The following PMP22 variants were observed in gnomAD, a reference collection of about 807,000 sequenced individuals.
The protein encoded by PMP22 is Charcot-Marie-Tooth neuropathy 1A (greatly reduced nerve conduction velocity, hereditary motor sensory neuropathy Ia).
Under a neutral mutation model 18.9 loss-of-function variants are expected in PMP22, and 2 were observed. The observed-to-expected ratio is 0.11, with a 90% confidence interval of 0.04 to 0.33. The LOEUF (loss-of-function observed/expected upper bound fraction) is 0.33, where lower values mean the gene tolerates loss of function less well. Among genes scored for constraint, PMP22 ranks in the 10% least tolerant of loss-of-function variants. The pLI is 1.00. For synonymous variants in PMP22, 95 were observed against 89.2 expected, an observed-to-expected ratio of 1.07 and a Z score of -0.37; for missense variants, 169 against 202.2, an observed-to-expected ratio of 0.84 and a Z score of 1.00.
At chr17:15,241,998 T>C (rs896334910) in intron 3 of PMP22, among the ~76,000 whole-genome samples, 1 of 152,124 alleles carries the variant, frequency 6.6e-6, no homozygotes, top group African/African-American at 2.4e-5. Flanking sequence ...TTATCTTTGA[T>C]TAAGACATTT....
chr17:15,264,230 G>GCAGA (rs1555569349), intron 1 of PMP22, among the ~76,000 whole-genome samples: 13 of 85,008 alleles, frequency 1.5e-4, no homozygotes, highest in African/African-American at 7.8e-4. Flanking sequence ...AGGTAGGTAG[G>GCAGA]TAGATAGATA....
At chr17:15,234,529 G>A (rs1185399716) in intron 4 of PMP22, among the ~76,000 whole-genome samples, 3 of 152,130 alleles carry the variant, frequency 2.0e-5, no homozygotes, top group Non-Finnish European at 2.9e-5. Context: ...GGGCAACAAG[G>A]GAGGGCAGGA....
intron 3 of PMP22, among the ~76,000 whole-genome samples, chr17:15,250,434 T>A (rs1200555722): frequency 6.6e-6 from 1 of 152,228 alleles, no homozygotes; most frequent in Non-Finnish European, 1.5e-5. Flanking sequence ...TATAGAGGAA[T>A]GACTCTTGAC....
chr17:15,243,660 A>G (rs1907539886), intron 3 of PMP22, among the ~76,000 whole-genome samples: 1 of 149,082 alleles, frequency 6.7e-6, no homozygotes, highest in African/African-American at 2.4e-5. Context: ...TAATTATAGA[A>G]CATATCATAG....
At chr17:15,253,728 G>A (rs1209557904) in intron 3 of PMP22, among the ~76,000 whole-genome samples, 1 of 151,986 alleles carries the variant, frequency 6.6e-6, no homozygotes, top group Non-Finnish European at 1.5e-5. Context: ...CCTCCCCAGC[G>A]ATCTTGCACT....
chr17:15,241,163 T>C (rs1006141799), intron 3 of PMP22, among the ~76,000 whole-genome samples: 3 of 151,714 alleles, frequency 2.0e-5, no homozygotes, highest in Admixed American at 1.3e-4. Context: ...GCACAACATA[T>C]GCTTCTTTCA....
At chr17:15,236,707 AG>A (rs1328743210) in intron 4 of PMP22, among the ~76,000 whole-genome samples, 1 of 152,192 alleles carries the variant, frequency 6.6e-6, no homozygotes, top group Non-Finnish European at 1.5e-5. Flanking sequence ...ACTTCTTACT[AG>A]TCTGTGAGTC....
chr17:15,240,598 A>G (rs1907242291), intron 3 of PMP22, among the ~76,000 whole-genome samples: 2 of 152,046 alleles, frequency 1.3e-5, no homozygotes, highest in African/African-American at 2.4e-5. Context: ...TCAGTTCACC[A>G]TCCGCTGCAA....
intron 3 of PMP22, among the ~76,000 whole-genome samples, chr17:15,253,028 C>T (rs1330548258): frequency 6.6e-6 from 1 of 152,214 alleles, no homozygotes; most frequent in Non-Finnish European, 1.5e-5. Flanking sequence ...GACTTCAAAA[C>T]AAAAAGCACT....
At chr17:15,248,275 G>C (rs762034703) in intron 3 of PMP22, among the ~76,000 whole-genome samples, 1 of 152,112 alleles carries the variant, frequency 6.6e-6, no homozygotes, top group Non-Finnish European at 1.5e-5. Flanking sequence ...CGATGAAGGT[G>C]ACGTGGGCGG....
intron 4 of PMP22, among the ~76,000 whole-genome samples, chr17:15,238,925 G>C (rs963543378): frequency 6.6e-6 from 1 of 152,182 alleles, no homozygotes; most frequent in Non-Finnish European, 1.5e-5. Context: ...AGACACCAGA[G>C]GATGACAACA....
chr17:15,245,880 G>A (rs1216723120), intron 3 of PMP22, among the ~76,000 whole-genome samples: 2 of 152,078 alleles, frequency 1.3e-5, no homozygotes, highest in African/African-American at 2.4e-5. Flanking sequence ...GGGCGTGGTG[G>A]CGGGCGCCTG....
rs1310093881 is a variant in PMP22 at position 15,239,455 on chromosome 17, AC to A, written c.319+15del. Reference sequence around the variant, plus strand: ...TGCACCCCGCTTCCACATGGACTTTACCATCCACAACTTACCAGCAAGAATT... The same window carrying A: ...TGCACCCCGCTTCCACATGGACTTTACATCCACAACTTACCAGCAAGAATT... On this transcript the variant is annotated intron_variant, in intron 4 of 4. Transcript: ENST00000312280. The A allele has an allele frequency of 6.2e-7, 1 of 1,614,020 alleles. No individual in the cohort carries two copies. The highest frequency in any genetic ancestry group is 1.3e-5 in the African/African-American group (1 of 74,942).
chr17:15,231,105 G>A (rs370258345), intron 4 of PMP22, 25 bp from the exon 5 acceptor site: 33 of 1,612,380 alleles, frequency 2.0e-5, no homozygotes, highest in Non-Finnish European at 2.7e-5. Flanking sequence ...GGACAAGCTG[G>A]GTGACGGAGA....
chr17:15,243,785 T>C (rs1008626257), intron 3 of PMP22, among the ~76,000 whole-genome samples: 1 of 148,078 alleles, frequency 6.8e-6, no homozygotes, highest in Non-Finnish European at 1.5e-5. Context: ...TATAATTATA[T>C]AACATATAAT....
At chr17:15,251,701 G>A (rs1330420211) in intron 3 of PMP22, 1 of 151,704 alleles carries the variant, frequency 6.6e-6, no homozygotes, top group East Asian at 2.0e-4. Flanking sequence ...GCAGGGACCT[G>A]ACCACAGTCA....
chr17:15,252,375 T>C (rs1006824805), intron 3 of PMP22, among the ~76,000 whole-genome samples: 6 of 152,014 alleles, frequency 3.9e-5, no homozygotes, highest in African/African-American at 1.4e-4. Context: ...ACACAACCTA[T>C]TGATAGTCAT....
chr17:15,246,073 G>A (rs1014157428), intron 3 of PMP22, among the ~76,000 whole-genome samples: 75 of 152,044 alleles, frequency 4.9e-4, no homozygotes, highest in African/African-American at 1.8e-3. Flanking sequence ...ACACAAGCCA[G>A]GTTATTAGCA....
At chr17:15,235,141 C>T (rs1031395511) in intron 4 of PMP22, 3 of 710,596 alleles carry the variant, frequency 4.2e-6, no homozygotes, top group Non-Finnish European at 7.8e-6. Flanking sequence ...ATTTTAAATG[C>T]TCTATAGCTA....
Sources: gnomAD v4.1 joint callset for allele counts (sites outside exome capture counted in the v4.1 genomes callset) on GRCh38, gnomAD v4.1.1 for gene constraint, MANE v1.5 for transcripts, NCBI Gene and HGNC (gene_info 2026-07-23, HGNC 2026-07-21) for gene names.